CDYL: variants seen among roughly 807,000 people sequenced by gnomAD.
The protein encoded by CDYL is chromodomain Y-like protein.
In CDYL, 8 loss-of-function variants were observed where a neutral mutation model predicts 47.3. That is an observed-to-expected ratio of 0.17 (90% CI 0.10 to 0.31). CDYL has a LOEUF of 0.31. CDYL is among the 10% of genes least tolerant of loss of function. The probability of loss-of-function intolerance (pLI) is 1.00; values close to 1 mark genes in which losing one functional copy is unlikely to be tolerated. For missense variants in CDYL, 471 were observed against 701.4 expected (o/e 0.67, Z 3.71); for synonymous variants, 266 against 265.0 (o/e 1.00, Z -0.04).
chr6:4,708,586 G>A (rs1334904785), intron 1 of CDYL, among the ~76,000 whole-genome samples: 3 of 152,126 alleles, frequency 2.0e-5, no homozygotes, highest in Non-Finnish European at 2.9e-5. Context: ...GGTGTTATAT[G>A]TTTATGATGA....
intron 3 of CDYL, among the ~76,000 whole-genome samples, chr6:4,769,095 T>G (rs1758298030): frequency 1.3e-5 from 2 of 152,228 alleles, no homozygotes; most frequent in South Asian, 4.2e-4. Flanking sequence ...GAACTATTAA[T>G]AGAGGTAATG....
intron 2 of CDYL, among the ~76,000 whole-genome samples, chr6:4,900,779 G>GTATATATA (rs59594195): frequency 3.1e-4 from 16 of 51,624 alleles, no homozygotes; most frequent in African/African-American, 9.5e-4. Context: ...GTATACGTGT[G>GTATATATA]TATATATATA....
chr6:4,874,925 T>C (rs1020757754), intron 1 of CDYL, among the ~76,000 whole-genome samples: 4 of 152,216 alleles, frequency 2.6e-5, no homozygotes, highest in Non-Finnish European at 5.9e-5. Context: ...ATACCCAGCA[T>C]GTTTATCCAC....
At chr6:4,718,579 C>T (rs1757312506) in intron 2 of CDYL, 1 of 151,998 alleles carries the variant, frequency 6.6e-6, no homozygotes, top group Non-Finnish European at 1.5e-5. Flanking sequence ...TGCTCGGCCC[C>T]CATGGTTTCC....
At chr6:4,747,253 G>A (rs531635208) in intron 3 of CDYL, among the ~76,000 whole-genome samples, 42 of 147,584 alleles carry the variant, frequency 2.8e-4, no homozygotes, top group African/African-American at 1.0e-3. Context: ...GTTGCAGTGA[G>A]CAGAGATTGT....
At chr6:4,844,140 G>A (rs555664805) in intron 1 of CDYL, among the ~76,000 whole-genome samples, 1 of 152,282 alleles carries the variant, frequency 6.6e-6, no homozygotes, top group African/African-American at 2.4e-5. Context: ...GCTCTGGGCT[G>A]GTACTCGGGA....
intron 2 of CDYL, among the ~76,000 whole-genome samples, chr6:4,722,551 T>G (rs749853375): frequency 1.1e-4 from 17 of 151,912 alleles, no homozygotes; most frequent in Admixed American, 6.6e-5. Context: ...AATCTAGAAC[T>G]GCTACAGTTT....
intron 1 of CDYL, among the ~76,000 whole-genome samples, chr6:4,829,273 T>A (rs1417424859): frequency 1.3e-5 from 2 of 152,202 alleles, no homozygotes; most frequent in Non-Finnish European, 2.9e-5. Flanking sequence ...ATTGGCTGTT[T>A]AGTGACATTT....
At chr6:4,800,254 C>T (rs1759185804) in intron 1 of CDYL, among the ~76,000 whole-genome samples, 1 of 152,038 alleles carries the variant, frequency 6.6e-6, no homozygotes, top group Admixed American at 6.6e-5. Context: ...TTTGTGTTAA[C>T]CAAAATTTCT....
chr6:4,731,024 G>T (rs1232013572), intron 2 of CDYL, among the ~76,000 whole-genome samples: 1 of 152,196 alleles, frequency 6.6e-6, no homozygotes, highest in Non-Finnish European at 1.5e-5. Flanking sequence ...TGTTTTCAAC[G>T]TCTGGGCCTG....
chr6:4,774,533 G>C (rs1758388359), upstream of CDYL: 1 of 152,258 alleles, frequency 6.6e-6, no homozygotes, highest in South Asian at 2.1e-4. Flanking sequence ...GCCTTGACCA[G>C]TTGATGAAGT....
At chr6:4,915,113 A>G (rs1457064412) in intron 2 of CDYL, among the ~76,000 whole-genome samples, 3 of 152,242 alleles carry the variant, frequency 2.0e-5, no homozygotes, top group Non-Finnish European at 2.9e-5. Flanking sequence ...TACTTTAATG[A>G]CAGCAGATGC....
At chr6:4,807,897 G>A (rs550279186) in intron 1 of CDYL, among the ~76,000 whole-genome samples, 18 of 152,042 alleles carry the variant, frequency 1.2e-4, no homozygotes, top group South Asian at 8.3e-4. Context: ...ATGAGCCACC[G>A]CGCCGGGCTC....
At chr6:4,937,889 T>C in intron 4 of CDYL, 152 bp downstream of exon 4, 1 of 638,648 alleles carries the variant, frequency 1.6e-6, no homozygotes, top group Non-Finnish European at 2.6e-6. Flanking sequence ...AAATCATCTG[T>C]CTCTTCTATG....
chr6:4,749,788 C>T (rs1757959102), intron 3 of CDYL, among the ~76,000 whole-genome samples: 1 of 152,208 alleles, frequency 6.6e-6, no homozygotes, highest in Non-Finnish European at 1.5e-5. Flanking sequence ...GGTGACTATT[C>T]TTGCAGATAA....
chr6:4,837,258 A>T (rs1760344557), intron 1 of CDYL, among the ~76,000 whole-genome samples: 1 of 152,194 alleles, frequency 6.6e-6, no homozygotes, highest in Non-Finnish European at 1.5e-5. Flanking sequence ...ATTCAAATGG[A>T]GGCACATGAA....
chr6:4,900,895 C>CTT (rs1757031917), intron 2 of CDYL, among the ~76,000 whole-genome samples: 1 of 142,488 alleles, frequency 7.0e-6, no homozygotes, highest in Non-Finnish European at 1.5e-5. Flanking sequence ...ATGTACCTGT[C>CTT]TTTGCCCAGG....
At chr6:4,910,212 G>A (rs1445979043) in intron 2 of CDYL, among the ~76,000 whole-genome samples, 1 of 152,096 alleles carries the variant, frequency 6.6e-6, no homozygotes, top group African/African-American at 2.4e-5. Flanking sequence ...GGGAAGTTAG[G>A]CAGCACATAT....
At chr6:4,724,231 TA>T (rs1247688036) in intron 2 of CDYL, among the ~76,000 whole-genome samples, 1 of 151,830 alleles carries the variant, frequency 6.6e-6, no homozygotes, top group Non-Finnish European at 1.5e-5. Context: ...TTTTTTTAAG[TA>T]GAGACAGGGT....
Sources: gnomAD v4.1 joint callset for allele counts (sites outside exome capture counted in the v4.1 genomes callset) on GRCh38, gnomAD v4.1.1 for gene constraint, MANE v1.5 for transcripts, NCBI Gene and HGNC (gene_info 2026-07-23, HGNC 2026-07-21) for gene names.